Variants in SLAMF8 observed in about 807,000 individuals in gnomAD.
SLAMF8 encodes the protein SLAM family member 8.
A neutral mutation model predicts 29.0 loss-of-function variants in SLAMF8; 23 were observed. That is an observed-to-expected ratio of 0.79 (90% CI 0.57 to 1.13). The LOEUF is 1.13. Among genes scored for constraint, SLAMF8 ranks in the 50% most tolerant of loss-of-function variants. The pLI is 0.00. For synonymous variants in SLAMF8, 139 were observed against 145.6 expected (o/e 0.96, Z 0.32); for missense variants, 381 against 353.1 (o/e 1.08, Z -0.63).
rs999023797 is a variant in SLAMF8, at chr1:159,836,928, C to T, written c.*1668C>T. 2.0e-6 allele frequency: 2 copies of T among 985,590 alleles called. No individual in the cohort carries two copies. Among genetic ancestry groups the T allele is most frequent in the East Asian group, 1.1e-4 (1 of 8,818 alleles). The allele number at this position is 985,590 out of a possible 1,614,324, so 61.1% of individuals were successfully genotyped here. On this transcript the variant is annotated 3_prime_UTR_variant, in exon 5 of 5. Transcript: ENST00000289707. ...TTGCACCATCCCCACCTGCCACCTA[C>T]AGTCAGGCCACATGCCTGGTCACTG...
rs139204303 is a variant in SLAMF8, at chr1:159,826,883, G to C, written c.-16G>C. The C allele has an allele frequency of 1.8e-5, 29 of 1,614,160 alleles. No homozygotes were observed. The African/African-American group carries it at 3.1e-4, about 17-fold the overall frequency. ...TTTTGGCTGTCGAGGGAGTTTGCCT[G>C]CCTCTCCAGAGAAAGATGGTCATGA... On this transcript the variant is annotated 5_prime_UTR_variant, in exon 1 of 5. Transcript: ENST00000289707.
In SLAMF8 at chr1:159,837,066, T is replaced by C; in HGVS notation, c.*1806T>C. ...AAAAAATACACAGCACTCCCCACCT[T>C]TCTTTCGTTCATCTCCAGGGCCCCA... On this transcript the variant is annotated 3_prime_UTR_variant, in exon 5 of 5. Transcript: ENST00000289707. 1.0e-6 allele frequency: 1 copy of C among 985,414 alleles called. No individual in the cohort carries two copies. Among genetic ancestry groups the C allele is most frequent in the Non-Finnish European group, 1.2e-6 (1 of 829,932 alleles). The allele number at this position is 985,414 out of a possible 1,614,324, so 61.0% of individuals were successfully genotyped here.
In SLAMF8 at chr1:159,835,747, G is replaced by A. The variant is rs1647881458; in HGVS notation, c.*487G>A. On this transcript the variant is annotated 3_prime_UTR_variant, in exon 5 of 5. Transcript: ENST00000289707. ...TTCAGCCCCAGACCCTGCAGTTTGA[G>A]ATCTGATGCTTCCTGAGGGCCAAGG... The A allele has an allele frequency of 3.0e-6, 3 of 985,778 alleles. No individual in the cohort carries two copies. In the South Asian group the frequency reaches 1.4e-4, roughly 46 times the overall value. The allele number at this position is 985,778 out of a possible 1,614,324, so 61.1% of individuals were successfully genotyped here. A position where few individuals can be genotyped will look rare whatever the true frequency, so the allele number is the denominator to read the frequency against.
intron 4 of SLAMF8, chr1:159,834,972 G>T (rs1647801368): frequency 3.7e-6 from 2 of 534,800 alleles, no homozygotes; most frequent in Non-Finnish European, 6.6e-6. Flanking sequence ...TTAAATGTAT[G>T]GCATAGTTGC....
intron 1 of SLAMF8, 120 bp downstream of exon 1, chr1:159,827,058 G>T: frequency 1.6e-6 from 2 of 1,242,872 alleles, no homozygotes; most frequent in Non-Finnish European, 2.3e-6. Flanking sequence ...GCTGAGGGTG[G>T]GTAGGAAAGA....
rs59341138 is a variant in SLAMF8, at chr1:159,833,834, G to A, written c.781+465G>A. On this transcript the variant is annotated intron_variant, in intron 4 of 4. Transcript: ENST00000289707. ...CCCACTGAATTCTGAGCCCTTAAAAGGAGGATGCTGGGTCAACACTGGGCA... is the reference window on the plus strand; with the variant it reads ...CCCACTGAATTCTGAGCCCTTAAAAAGAGGATGCTGGGTCAACACTGGGCA... Among the ~76,000 whole-genome samples the A allele has an allele frequency of 5.6e-3, 857 of 152,318 alleles. 9 individuals are homozygous for A. The highest frequency in any genetic ancestry group is 0.02 in the African/African-American group (822 of 41,568).
Position 159,835,568 on chromosome 1 carries a change from T to C in SLAMF8, c.*308T>C, listed in dbSNP as rs1647866715. 1 of 1,132,658 alleles carries C rather than the reference T, an allele frequency of 8.8e-7. No individual in the cohort carries two copies. The highest frequency in any genetic ancestry group is 1.1e-6 in the Non-Finnish European group (1 of 923,140). The allele number at this position is 1,132,658 out of a possible 1,614,324, so 70.2% of individuals were successfully genotyped here. ...TCCAGGATCCAGATCCATGGGGACA[T>C]TAATAGTCCAAGGCATTCCCTCCCC... On this transcript the variant is annotated 3_prime_UTR_variant, in exon 5 of 5. Coordinates refer to ENST00000289707, the MANE Select transcript of SLAMF8 (RefSeq NM_020125.3).
Position 159,829,872 on chromosome 1 carries a change from T to A in SLAMF8, c.47T>A (p.Leu16His). Reference protein sequence around the residue: ...LWSLLLWEALLPITVTGAQVL... With the variant: ...LWSLLLWEALHPITVTGAQVL... Reference sequence around the variant, plus strand: ...AGGGGCTCTGTTCTTTCAGCCCTACTTCCCATTACAGTTACTGGTGCCCAA... The same window carrying A: ...AGGGGCTCTGTTCTTTCAGCCCTACATCCCATTACAGTTACTGGTGCCCAA... Residue 16 changes from leucine (L) to histidine (H), a missense_variant, in exon 2 of 5, where the codon CTT becomes CAT. Physicochemically the swap from Leu to His is moderately conservative, Grantham distance 99. Coordinates refer to ENST00000289707, the MANE Select transcript of SLAMF8 (RefSeq NM_020125.3). 1 of 1,605,152 alleles carries A rather than the reference T, an allele frequency of 6.2e-7. No individual in the cohort carries two copies. Among genetic ancestry groups the A allele is most frequent in the Non-Finnish European group, 8.5e-7 (1 of 1,174,746 alleles).
intron 2 of SLAMF8, 39 bp from the exon 3 acceptor site, chr1:159,832,837 A>G: frequency 6.3e-7 from 1 of 1,592,146 alleles, no homozygotes; most frequent in Non-Finnish European, 8.6e-7. Context: ...CCTGCCCAGC[A>G]TCCCTGAGAC....
chr1:159,833,065 T>G lies in SLAMF8; in HGVS notation c.557T>G (p.Leu186Arg). The stretch of plus-strand genomic sequence containing the variant: ...AGCCTCTTCACAGACGGACAGGTGC[T>G]GAGCATTTCCCTGGGACCAGGAGAC... Reference protein sequence around the residue: ...PHSLFTDGQVLSISLGPGDRD... With the variant: ...PHSLFTDGQVRSISLGPGDRD... The change falls in exon 3 of 5, where the codon CTG becomes CGG. Residue 186 changes from leucine (L) to arginine (R), a missense_variant. Leu to Arg is a moderately radical substitution (Grantham distance 102). Transcript: ENST00000289707. 3 of 1,614,240 alleles carry G rather than the reference T, an allele frequency of 1.9e-6. No individual in the cohort carries two copies. Among genetic ancestry groups the G allele is most frequent in the Non-Finnish European group, 2.5e-6 (3 of 1,180,040 alleles).
chr1:159,827,428 G>A (rs555123522), intron 1 of SLAMF8, among the ~76,000 whole-genome samples: 1 of 152,284 alleles, frequency 6.6e-6, no homozygotes, highest in Admixed American at 6.5e-5. Flanking sequence ...CAAGTACTAA[G>A]TAGGGATGAG....
At chr1:159,831,972 C>A (rs1222576354) in intron 2 of SLAMF8, among the ~76,000 whole-genome samples, 1 of 152,154 alleles carries the variant, frequency 6.6e-6, no homozygotes, top group East Asian at 1.9e-4. Context: ...CTGGCATTAA[C>A]GAGGTTTTTC....
chr1:159,832,994 T>C lies in SLAMF8; in HGVS notation c.486T>C (p.Tyr162=), dbSNP rs763575368. The C allele has an allele frequency of 8.1e-6, 13 of 1,614,082 alleles. No homozygotes were observed. The highest frequency in any genetic ancestry group is 1.3e-5 in the African/African-American group (1 of 74,928). Residue 162 remains tyrosine, a synonymous_variant, in exon 3 of 5, where the codon TAT becomes TAC. Coordinates refer to ENST00000289707, the MANE Select transcript of SLAMF8 (RefSeq NM_020125.3). ...CWAPNISEIT[Y]SWRRETTMDF... Reference sequence around the variant, plus strand: ...CCCCCAACATCAGCGAAATAACCTATAGCTGGCGACGGGAGACAACCATGG... The same window carrying C: ...CCCCCAACATCAGCGAAATAACCTACAGCTGGCGACGGGAGACAACCATGG...
At chr1:159,835,141 C>T (rs1160539517) in intron 4 of SLAMF8, 43 bp from the exon 5 acceptor site, 2 of 1,595,816 alleles carry the variant, frequency 1.3e-6, no homozygotes, top group South Asian at 2.2e-5. Context: ...TTCCAAGACT[C>T]CAAACACTGG....
chr1:159,832,867 C>T lies in SLAMF8; in HGVS notation c.368-9C>T. 1.9e-6 allele frequency: 3 copies of T among 1,610,578 alleles called. No individual in the cohort carries two copies. The highest frequency in any genetic ancestry group is 2.5e-6 in the Non-Finnish European group (3 of 1,177,130). ...TGAGACCCATACCAGCTGTACTTTTCTTTCCCAGATGCAGTGCCCAGGCCC... is the reference window on the plus strand; with the variant it reads ...TGAGACCCATACCAGCTGTACTTTTTTTTCCCAGATGCAGTGCCCAGGCCC... On this transcript the variant is annotated splice_polypyrimidine_tract_variant and intron_variant, in intron 2 of 4. Transcript: ENST00000289707.
chr1:159,833,482 T>C, intron 4 of SLAMF8, 113 bp downstream of exon 4: 8 of 1,451,882 alleles, frequency 5.5e-6, no homozygotes, highest in Non-Finnish European at 7.5e-6. Context: ...TTCCTACCTC[T>C]CCCACCTCAT....
chr1:159,827,657 G>T (rs1196267973), intron 1 of SLAMF8, among the ~76,000 whole-genome samples: 4 of 152,156 alleles, frequency 2.6e-5, no homozygotes, highest in African/African-American at 9.7e-5. Flanking sequence ...AGATGATATT[G>T]TTTACATCAG....
intron 2 of SLAMF8, among the ~76,000 whole-genome samples, chr1:159,832,144 C>A (rs1030918482): frequency 6.6e-6 from 1 of 152,144 alleles, no homozygotes; most frequent in Non-Finnish European, 1.5e-5. Context: ...TGTTCAGTGA[C>A]CAGATATCGA....
At chr1:159,827,026 C>A (rs1210152625) in intron 1 of SLAMF8, 88 bp downstream of exon 1, 3 of 1,537,170 alleles carry the variant, frequency 2.0e-6, no homozygotes, top group East Asian at 2.3e-5. Context: ...AGGGATCCCT[C>A]GACCTGGGTG....
Sources: allele counts gnomAD v4.1 joint callset (sites outside exome capture counted in the v4.1 genomes callset), GRCh38; gene constraint gnomAD v4.1.1; transcripts MANE v1.5; gene names NCBI Gene and HGNC (gene_info 2026-07-23, HGNC 2026-07-21).